ANK2: variants seen among roughly 807,000 people sequenced by gnomAD.
The protein encoded by ANK2 is ankyrin 2.
In ANK2, 83 loss-of-function variants were observed where a neutral mutation model predicts 360.5. The observed-to-expected ratio is 0.23, with a 90% CI of 0.19 to 0.28. ANK2 has a LOEUF of 0.28. ANK2 is among the 10% of genes least tolerant of loss of function. The pLI, the probability that ANK2 is intolerant of heterozygous loss-of-function variation, is 1.00. For synonymous variants in ANK2, 1,740 were observed against 1,759.5 expected (o/e 0.99, Z 0.28); for missense variants, 4,201 against 4,795.7 (o/e 0.88, Z 3.66).
chr4:113,275,882 A>T (rs754469571), intron 15 of ANK2, among the ~76,000 whole-genome samples: 1 of 152,008 alleles, frequency 6.6e-6, no homozygotes, highest in Non-Finnish European at 1.5e-5. Flanking sequence ...TTTAAAAAAT[A>T]TAACTATATC....
intron 1 of ANK2, among the ~76,000 whole-genome samples, chr4:113,079,933 C>G (rs893275001): frequency 2.1e-5 from 3 of 140,114 alleles, no homozygotes; most frequent in East Asian, 2.2e-4. Flanking sequence ...GAGTCTTGCT[C>G]TGTTGCCCAG....
intron 2 of ANK2, among the ~76,000 whole-genome samples, chr4:113,194,158 A>G (rs2098714684): frequency 6.6e-6 from 1 of 152,206 alleles, no homozygotes; most frequent in Admixed American, 6.5e-5. Flanking sequence ...GTACCTAGCA[A>G]ATGCTTATGG....
At chr4:113,281,784 G>C (rs1283839972) in intron 17 of ANK2, among the ~76,000 whole-genome samples, 1 of 152,000 alleles carries the variant, frequency 6.6e-6, no homozygotes, top group Non-Finnish European at 1.5e-5. Flanking sequence ...TTTTGTTCTT[G>C]TAAGCAGAGT....
chr4:112,827,424 A>G (rs1180698557), intron 1 of ANK2: 2 of 1,378,770 alleles, frequency 1.5e-6, no homozygotes, highest in Non-Finnish European at 2.1e-6. Context: ...AGAGACCACT[A>G]GAACTTGGAA....
chr4:113,219,152 C>T (rs1271609172), intron 4 of ANK2, among the ~76,000 whole-genome samples: 1 of 152,052 alleles, frequency 6.6e-6, no homozygotes, highest in South Asian at 2.1e-4. Flanking sequence ...AATTATACTA[C>T]ATACTGAAGA....
At chr4:113,070,123 C>CT (rs1298799102) in intron 1 of ANK2, 1 of 152,154 alleles carries the variant, frequency 6.6e-6, no homozygotes, top group Admixed American at 6.5e-5. Context: ...TTTCAGAGAA[C>CT]TGGTGAATAA....
the ANK2 span, among the ~76,000 whole-genome samples, chr4:112,781,904 A>G: frequency 6.4e-5 from 9 of 140,786 alleles, no homozygotes; most frequent in Non-Finnish European, 1.2e-4. Context: ...ATATTGGCTC[A>G]CTGCAACCTC....
Position 113,104,808 on chromosome 4 carries a change from G to A in ANK2, c.84+54996G>A, listed in dbSNP as rs536255236. Among the ~76,000 whole-genome samples the A allele has an allele frequency of 3.3e-5, 5 of 152,194 alleles. No homozygotes were observed. In the East Asian group the frequency reaches 9.6e-4, roughly 29 times the overall value. On this transcript the variant is annotated intron_variant, in intron 1 of 45. Transcript: ENST00000357077. ...GAGAATGCAGGATCATAAAAATATAGCAAACAAAGTGAGTGGGATTTAAAA... is the reference window on the plus strand; with the variant it reads ...GAGAATGCAGGATCATAAAAATATAACAAACAAAGTGAGTGGGATTTAAAA...
intron 2 of ANK2, among the ~76,000 whole-genome samples, chr4:112,966,957 A>T (rs1041531709): frequency 1.3e-5 from 2 of 152,188 alleles, no homozygotes; most frequent in Non-Finnish European, 2.9e-5. Flanking sequence ...GGAGCATGTC[A>T]AGCAAATTGC....
At chr4:113,308,164 T>C (rs1344831393) in intron 23 of ANK2, among the ~76,000 whole-genome samples, 1 of 152,234 alleles carries the variant, frequency 6.6e-6, no homozygotes, top group African/African-American at 2.4e-5. Flanking sequence ...CCAAGTCTAA[T>C]GGCACTCTAT....
chr4:113,033,237 A>T (rs576114761), intron 2 of ANK2, among the ~76,000 whole-genome samples: 1 of 152,142 alleles, frequency 6.6e-6, no homozygotes, highest in African/African-American at 2.4e-5. Context: ...GTGTACCAGG[A>T]TTACAACCTC....
chr4:112,738,787 GA>G, the ANK2 span: 404 of 623,112 alleles, frequency 6.5e-4, 2 homozygotes, highest in Non-Finnish European at 9.3e-4. Context: ...TGGAAACCCA[GA>G]GGTATTGACA....
At chr4:113,018,973 G>A (rs2154296431) in intron 2 of ANK2, among the ~76,000 whole-genome samples, 1 of 152,068 alleles carries the variant, frequency 6.6e-6, no homozygotes, top group African/African-American at 2.4e-5. Flanking sequence ...CTCAAATATT[G>A]GATCCCTCCC....
intron 40 of ANK2, 77 bp from the exon 41 acceptor site, chr4:113,364,962 T>C: frequency 6.4e-7 from 1 of 1,571,420 alleles, no homozygotes; most frequent in Non-Finnish European, 8.7e-7. Flanking sequence ...ATCAAAAATT[T>C]AGTAAGGCAG....
At chr4:113,263,291 A>G (rs1377832720) in intron 13 of ANK2, among the ~76,000 whole-genome samples, 2 of 151,844 alleles carry the variant, frequency 1.3e-5, no homozygotes, top group African/African-American at 4.8e-5. Flanking sequence ...CTGTCCAGGG[A>G]GGAAAAATCT....
At position 113,312,352 on chromosome 4, in the gene ANK2, G is replaced by A. The variant is rs535305552; in HGVS notation, c.2693+953G>A. On this transcript the variant is annotated intron_variant, in intron 24 of 45. Transcript: ENST00000357077. ...GTGTTCTGCTAATCAATAATCTCAG[G>A]TTTATAGTTTTAAAGTTGGCACTAT... Among the ~76,000 whole-genome samples, 5 of 152,074 alleles carry A rather than the reference G, an allele frequency of 3.3e-5. No homozygotes were observed. The East Asian group carries it at 9.7e-4, about 29-fold the overall frequency.
At chr4:112,970,067 G>A (rs560270563) in intron 2 of ANK2, among the ~76,000 whole-genome samples, 15 of 149,828 alleles carry the variant, frequency 1.0e-4, no homozygotes, top group African/African-American at 3.7e-4. Context: ...CACTGCAACC[G>A]CCGCCTCCCA....
chr4:113,107,084 A>T (rs13135004), intron 1 of ANK2: 60,563 of 308,386 alleles, frequency 0.2, 6,173 homozygotes, highest in Non-Finnish European at 0.22. Flanking sequence ...GCCTGGTGTA[A>T]ATCTTTGATA....
intron 2 of ANK2, among the ~76,000 whole-genome samples, chr4:113,189,742 T>C (rs2098623202): frequency 6.6e-6 from 1 of 152,190 alleles, no homozygotes; most frequent in Non-Finnish European, 1.5e-5. Flanking sequence ...TCAATTCCGA[T>C]GTCACCGTTG....
Sources: allele counts gnomAD v4.1 joint callset (sites outside exome capture counted in the v4.1 genomes callset), GRCh38; gene constraint gnomAD v4.1.1; transcripts MANE v1.5; gene names NCBI Gene and HGNC (gene_info 2026-07-23, HGNC 2026-07-21).